Variants in METTL21A observed in about 807,000 individuals in gnomAD.
METTL21A encodes the protein methyltransferase 21A, HSPA lysine, also known as protein N-lysine methyltransferase METTL21A.
Under a neutral mutation model 20.9 loss-of-function variants are expected in METTL21A, and 22 were observed. The ratio of observed to expected loss-of-function variants is 1.05; its 90% CI spans 0.75 to 1.50. The LOEUF is 1.50. Among genes scored for constraint, METTL21A ranks in the 40% most tolerant of loss-of-function variants. The pLI is 0.00. For missense variants in METTL21A, 271 were observed against 266.8 expected (o/e 1.02, Z -0.11); for synonymous variants, 93 against 102.0 (o/e 0.91, Z 0.53).
At chr2:207,588,102 AAAG>A (rs2084226427) in intron 3 of METTL21A, among the ~76,000 whole-genome samples, 1 of 149,896 alleles carries the variant, frequency 6.7e-6, no homozygotes, top group South Asian at 2.1e-4. Context: ...AAAAAGGAAA[AAAG>A]AATTCTTTGC....
exon 4 of METTL21A, chr2:207,612,996 A>G: frequency 6.7e-7 from 1 of 1,497,812 alleles, no homozygotes; most frequent in African/African-American, 1.4e-5. Context: ...TTGCAGTCTA[A>G]GACCTTAAGT....
chr2:207,625,727 T>A (rs2091032577), upstream of METTL21A: 2 of 152,350 alleles, frequency 1.3e-5, no homozygotes, highest in Admixed American at 1.3e-4. Flanking sequence ...TCCGCCGCTC[T>A]CTGCCTCTGA....
chr2:207,613,521 T>C, intron 3 of METTL21A, 78 bp from the exon 4 acceptor site: 1 of 1,334,876 alleles, frequency 7.5e-7, no homozygotes, highest in Non-Finnish European at 1.0e-6. Flanking sequence ...AAGTTAAATG[T>C]AGAGTGTCTC....
At position 207,595,987 on chromosome 2, in the gene METTL21A, G is replaced by A. The variant is rs186348916; in HGVS notation, c.260-13827C>T. The stretch of plus-strand genomic sequence containing the variant: ...TGCAGAAGTTTTTTAGTTGGATATA[G>A]TCCTATTTGTCTATTTTTGCTTTTG... On this transcript the variant is annotated intron_variant, in intron 3 of 3. Coordinates refer to the METTL21A transcript ENST00000425132. 2.2e-4 allele frequency among the ~76,000 whole-genome samples: 34 copies of A among 152,220 alleles called. 1 individual carries two copies. The highest frequency in any genetic ancestry group is 7.2e-4 in the African/African-American group (30 of 41,520).
At chr2:207,587,007 C>T (rs1470231283) in intron 3 of METTL21A, among the ~76,000 whole-genome samples, 3 of 152,166 alleles carry the variant, frequency 2.0e-5, no homozygotes, top group African/African-American at 7.2e-5. Context: ...GAAAGGTGAA[C>T]TCTTTCTAAC....
chr2:207,584,125 A>G (rs2083400385), intron 3 of METTL21A, among the ~76,000 whole-genome samples: 1 of 152,258 alleles, frequency 6.6e-6, no homozygotes, highest in Non-Finnish European at 1.5e-5. Flanking sequence ...CTATCAACAC[A>G]TAAAGGTTTT....
chr2:207,581,876 T>C (rs2083005379), exon 4 of METTL21A: 2 of 702,882 alleles, frequency 2.8e-6, no homozygotes, highest in African/African-American at 3.5e-5. Flanking sequence ...TTTGATGGCC[T>C]TGTAACTTTT....
At chr2:207,597,549 A>G (rs1421727060) in intron 3 of METTL21A, 1 of 211,972 alleles carries the variant, frequency 4.7e-6, no homozygotes, top group Non-Finnish European at 9.6e-6. Flanking sequence ...CTCATTGTGA[A>G]TTATGTAAAG....
intron 3 of METTL21A, among the ~76,000 whole-genome samples, chr2:207,590,132 ATTTC>A (rs1422495947): frequency 1.2e-5 from 1 of 82,452 alleles, no homozygotes; most frequent in East Asian, 3.7e-4. Context: ...CATTCAGACT[ATTTC>A]TTCTTCAGTG....
intron 3 of METTL21A, among the ~76,000 whole-genome samples, chr2:207,584,890 T>A (rs1014129317): frequency 6.6e-6 from 1 of 152,228 alleles, no homozygotes; most frequent in Non-Finnish European, 1.5e-5. Context: ...ACATTATCTA[T>A]CTTTTGCAGA....
At chr2:207,597,003 CATTG>C in intron 3 of METTL21A, 1 of 1,612,516 alleles carries the variant, frequency 6.2e-7, no homozygotes, top group Non-Finnish European at 8.5e-7. Flanking sequence ...CAAAACAAGA[CATTG>C]ATTGAGGAGC....
At chr2:207,581,297 TAA>T (rs1483594204), downstream of METTL21A, 1 of 197,054 alleles carries the variant, frequency 5.1e-6, no homozygotes, top group East Asian at 8.1e-5. Context: ...CTAAAAAAAT[TAA>T]AATGTATTTG....
chr2:207,604,707 A>T (rs1575084381), downstream of METTL21A, among the ~76,000 whole-genome samples: 2 of 152,230 alleles, frequency 1.3e-5, no homozygotes, highest in South Asian at 4.1e-4. Flanking sequence ...CATTCTCATC[A>T]CTCCAAAAGT....
At chr2:207,582,765 C>T (rs1559058394) in intron 3 of METTL21A, 1 of 205,336 alleles carries the variant, frequency 4.9e-6, no homozygotes, top group South Asian at 5.7e-5. Flanking sequence ...TGGTGGTGCA[C>T]GCTTGTAATC....
intron 3 of METTL21A, among the ~76,000 whole-genome samples, chr2:207,590,081 AAGTTT>A (rs1247922047): frequency 9.7e-6 from 1 of 102,898 alleles, no homozygotes; most frequent in Non-Finnish European, 1.9e-5. Flanking sequence ...CTATTTTGAG[AAGTTT>A]TTTTTTTTTT....
chr2:207,606,871 G>C (rs528456261), downstream of METTL21A, among the ~76,000 whole-genome samples: 13 of 152,038 alleles, frequency 8.6e-5, no homozygotes, highest in African/African-American at 1.2e-4. Context: ...CAATTAAATG[G>C]TATTATTATT....
At chr2:207,618,663 G>A (rs976265839) in intron 3 of METTL21A, among the ~76,000 whole-genome samples, 3 of 151,978 alleles carry the variant, frequency 2.0e-5, no homozygotes, top group Non-Finnish European at 4.4e-5. Flanking sequence ...AGCCGAGATC[G>A]CACCACTGCA....
chr2:207,600,115 A>T (rs964017958), intron 3 of METTL21A: 1 of 184,524 alleles, frequency 5.4e-6, no homozygotes, highest in Non-Finnish European at 1.1e-5. Flanking sequence ...TTGCTATCAG[A>T]TACAATTTTA....
chr2:207,598,969 A>C (rs1326309169), intron 3 of METTL21A: 1 of 185,628 alleles, frequency 5.4e-6, no homozygotes, highest in Non-Finnish European at 1.1e-5. Context: ...GTTTAACAAC[A>C]AAATATGAAG....
Sources: allele counts gnomAD v4.1 joint callset (sites outside exome capture counted in the v4.1 genomes callset), GRCh38; gene constraint gnomAD v4.1.1; transcripts MANE v1.5; gene names NCBI Gene and HGNC (gene_info 2026-07-23, HGNC 2026-07-21).